DCTN4: variants seen among roughly 807,000 people sequenced by gnomAD.
DCTN4 encodes dynactin subunit 4.
In DCTN4, 23 loss-of-function variants were observed where a neutral mutation model predicts 62.7. The ratio of observed to expected loss-of-function variants is 0.37; its 90% CI spans 0.26 to 0.52. The LOEUF is 0.52. Among genes scored for constraint, DCTN4 ranks in the 20% least tolerant of loss-of-function variants. The pLI is 0.92. For missense variants in DCTN4, 514 were observed against 580.4 expected, an observed-to-expected ratio of 0.89 and a Z score of 1.18; for synonymous variants, 199 against 202.1, an observed-to-expected ratio of 0.98 and a Z score of 0.13.
chr5:150,713,529 C>G (rs527886789), intron 12 of DCTN4, among the ~76,000 whole-genome samples: 2 of 151,584 alleles, frequency 1.3e-5, no homozygotes, highest in East Asian at 3.9e-4. Flanking sequence ...CTGCAACCCC[C>G]GCCCCTAGGG....
At chr5:150,736,056 G>A (rs974306698) in intron 4 of DCTN4, among the ~76,000 whole-genome samples, 4 of 151,244 alleles carry the variant, frequency 2.6e-5, no homozygotes, top group African/African-American at 9.7e-5. Context: ...CAAATACAAA[G>A]AAAAAAGAAT....
intron 9 of DCTN4, 136 bp downstream of exon 9, chr5:150,722,771 G>A: frequency 3.3e-6 from 2 of 613,458 alleles, no homozygotes; most frequent in East Asian, 2.9e-5. Context: ...ACCTAAACAG[G>A]AACAGAATGT....
chr5:150,756,664 G>T (rs1334540926), intron 1 of DCTN4, among the ~76,000 whole-genome samples, 177 bp from the exon 2 acceptor site: 1 of 149,792 alleles, frequency 6.7e-6, no homozygotes. Flanking sequence ...TCTTCTTCCG[G>T]ATTTAAAAAA....
At position 150,715,679 on chromosome 5, in the gene DCTN4, A is replaced by G. The variant is rs776101890; in HGVS notation, c.1072-17T>C. 1.4e-5 allele frequency: 23 copies of G among 1,609,188 alleles called. No individual in the cohort carries two copies. Among genetic ancestry groups the G allele is most frequent in the African/African-American group, 1.3e-5 (1 of 74,842 alleles). On this transcript the variant is annotated splice_polypyrimidine_tract_variant and intron_variant, in intron 11 of 12. Transcript: ENST00000447998. The stretch of plus-strand genomic sequence containing the variant: ...CACCACCACCTGGAGAGCAACACAG[A>G]GAGGCCTGCCTGAGAAGGGACCAGT...
At chr5:150,756,245 G>A (rs1253758489) in intron 2 of DCTN4, among the ~76,000 whole-genome samples, 172 bp downstream of exon 2, 2 of 152,040 alleles carry the variant, frequency 1.3e-5, no homozygotes, top group East Asian at 1.9e-4. Flanking sequence ...GTTTCGCCAT[G>A]TTAGCCAGGA....
In DCTN4 at chr5:150,711,361, T is replaced by C. The variant is rs1463619454; in HGVS notation, c.1171A>G (p.Ile391Val). The C allele has an allele frequency of 1.2e-6, 2 of 1,612,204 alleles. No individual in the cohort carries two copies. Among genetic ancestry groups the C allele is most frequent in the South Asian group, 1.1e-5 (1 of 90,988 alleles). The change falls in exon 13 of 13, where the codon ATT (isoleucine) becomes GTT (valine). Residue 391 changes from isoleucine (I) to valine (V), a missense_variant and splice_region_variant. Physicochemically the swap from Ile to Val is conservative, Grantham distance 29 (BLOSUM62 3). Transcript: ENST00000447998. The stretch of plus-strand genomic sequence containing the variant: ...TTGTTGGCCTTTCTGAAGGCTATAA[T>C]GCTATGGAAAGAAAAAAAAGCAAGT... ...EPQDFQDDPD[I>V]IAFRKANKVG...
chr5:150,753,007 C>T (rs1283903720), intron 3 of DCTN4, among the ~76,000 whole-genome samples: 6 of 152,188 alleles, frequency 3.9e-5, no homozygotes, highest in South Asian at 2.1e-4. Context: ...GCTGGGACTA[C>T]AGGTGCCCCC....
intron 4 of DCTN4, among the ~76,000 whole-genome samples, chr5:150,739,580 C>A (rs1486344171): frequency 6.6e-6 from 1 of 152,092 alleles, no homozygotes; most frequent in East Asian, 1.9e-4. Flanking sequence ...TAAAAACAAT[C>A]CTAAAATTCA....
intron 8 of DCTN4, among the ~76,000 whole-genome samples, chr5:150,727,069 A>G (rs2113031551): frequency 6.6e-6 from 1 of 152,302 alleles, no homozygotes; most frequent in East Asian, 1.9e-4. Context: ...GGTGGGGAAG[A>G]ACAAGGATAA....
intron 3 of DCTN4, 40 bp downstream of exon 3, chr5:150,753,439 C>T (rs759242198): frequency 3.8e-6 from 6 of 1,585,244 alleles, no homozygotes; most frequent in Non-Finnish European, 4.3e-6. Context: ...ATAGCACTGT[C>T]AATTGTACAA....
intron 4 of DCTN4, among the ~76,000 whole-genome samples, chr5:150,734,801 G>A (rs1001996538): frequency 2.0e-5 from 3 of 152,220 alleles, no homozygotes; most frequent in African/African-American, 7.2e-5. Flanking sequence ...TGTTGGTGGG[G>A]CATGGTGGGA....
At chr5:150,753,420 T>C in intron 3 of DCTN4, 59 bp downstream of exon 3, 1 of 1,476,008 alleles carries the variant, frequency 6.8e-7, no homozygotes, top group Non-Finnish European at 9.4e-7. Context: ...TAATAATCTA[T>C]GGGCAATTAT....
intron 8 of DCTN4, among the ~76,000 whole-genome samples, chr5:150,727,730 C>G (rs1246210736): frequency 1.5e-5 from 2 of 134,612 alleles, no homozygotes; most frequent in East Asian, 2.3e-4. Context: ...GAGCCGAGAT[C>G]GCGCCACTGC....
chr5:150,715,004 G>A (rs1263767273), intron 12 of DCTN4, among the ~76,000 whole-genome samples: 3 of 152,052 alleles, frequency 2.0e-5, no homozygotes, highest in Non-Finnish European at 2.9e-5. Context: ...AGTTACACAA[G>A]TGAACAATTA....
Position 150,719,738 on chromosome 5 carries a change from A to G in DCTN4, c.941T>C (p.Ile314Thr). 1 of 1,611,294 alleles carries G rather than the reference A, an allele frequency of 6.2e-7. No homozygotes were observed. Among genetic ancestry groups the G allele is most frequent in the Non-Finnish European group, 8.5e-7 (1 of 1,177,940 alleles). The change falls in exon 10 of 13, where the codon ATT becomes ACT. Residue 314 changes from isoleucine (I) to threonine (T), a missense_variant. Ile to Thr is a moderately conservative substitution (Grantham distance 89, BLOSUM62 -1). Transcript: ENST00000447998. Reference sequence around the variant, plus strand: ...AACCTTCATGTAGCGAAGGTTGGGAATTGACATGATTCTCACTTCTGGAAT... The same window carrying G: ...AACCTTCATGTAGCGAAGGTTGGGAGTTGACATGATTCTCACTTCTGGAAT... ...NYIPEVRIMSIPNLRYMKESQ... is the reference protein window; with the variant it reads ...NYIPEVRIMSTPNLRYMKESQ...
Position 150,733,487 on chromosome 5 carries a change from TCA to T in DCTN4, c.430-14_430-13del, listed in dbSNP as rs754412257. On this transcript the variant is annotated splice_polypyrimidine_tract_variant and intron_variant, in intron 4 of 12. Transcript: ENST00000447998. ...ATCAATTTGTTCATCTGTAAGAAAA[TCA>T]CAGACTCAGTACACAAAAAAGCTAA... 7.5e-6 allele frequency: 12 copies of T among 1,598,438 alleles called. No homozygotes were observed. The African/African-American group carries it at 1.3e-4, about 18-fold the overall frequency.
At chr5:150,753,403 A>T in intron 3 of DCTN4, 76 bp downstream of exon 3, 1 of 1,369,010 alleles carries the variant, frequency 7.3e-7, no homozygotes, top group Non-Finnish European at 1.0e-6. Context: ...CCAACGGGTT[A>T]CAGAAATAAT....
chr5:150,731,435 T>G lies in DCTN4; in HGVS notation c.592A>C (p.Ser198Arg). Residue 198 changes from serine to arginine, a missense_variant, in exon 6 of 13, where the codon AGT becomes CGT. Coordinates refer to ENST00000447998, the MANE Select transcript of DCTN4 (RefSeq NM_016221.4). Reference sequence around the variant, plus strand: ...ACTTACGAAAGTCCGGCAAGGGTACTGATGGATGCACCAGCTCGTGGTCGC... The same window carrying G: ...ACTTACGAAAGTCCGGCAAGGGTACGGATGGATGCACCAGCTCGTGGTCGC... ...LQRPRAGASISTLAGLSLKEG... is the reference protein window; with the variant it reads ...LQRPRAGASIRTLAGLSLKEG... 6.2e-7 allele frequency: 1 copy of G among 1,614,032 alleles called. No homozygotes were observed. Among genetic ancestry groups the G allele is most frequent in the Non-Finnish European group, 8.5e-7 (1 of 1,180,016 alleles).
Position 150,732,295 on chromosome 5 carries a change from G to A in DCTN4, c.538-806C>T, listed in dbSNP as rs574607345. Among the ~76,000 whole-genome samples the A allele has an allele frequency of 7.9e-5, 12 of 152,230 alleles. No homozygotes were observed. In the East Asian group the frequency reaches 1.6e-3, roughly 20 times the overall value. On this transcript the variant is annotated intron_variant, in intron 5 of 12. Coordinates refer to ENST00000447998, the MANE Select transcript of DCTN4 (RefSeq NM_016221.4). ...CTCCCAAGTAGCTGAGATTATAGGC[G>A]TGCGCCACCATGCCCAGCTAATTTT...
Sources: allele counts gnomAD v4.1 joint callset (sites outside exome capture counted in the v4.1 genomes callset), GRCh38; gene constraint gnomAD v4.1.1; transcripts MANE v1.5; gene names NCBI Gene and HGNC (gene_info 2026-07-23, HGNC 2026-07-21).